The following DERA variants were observed in gnomAD, a reference collection of about 807,000 sequenced individuals.
DERA encodes the protein 2-deoxy-D-ribose 5-phosphate aldolase.
Under a neutral mutation model 41.1 loss-of-function variants are expected in DERA, and 15 were observed. The observed-to-expected ratio is 0.37, with a 90% CI of 0.24 to 0.56. DERA has a LOEUF of 0.56. DERA is among the 20% of genes least tolerant of loss of function. The pLI is 0.81. For missense variants in DERA, 396 were observed against 403.4 expected (o/e 0.98, Z 0.16); for synonymous variants, 139 against 137.4 (o/e 1.01, Z -0.08).
At chr12:15,962,032 CT>C (rs1305815281) in intron 4 of DERA, among the ~76,000 whole-genome samples, 4 of 152,280 alleles carry the variant, frequency 2.6e-5, no homozygotes, top group African/African-American at 9.6e-5. Context: ...GCAAGAGCCA[CT>C]GTGCCCAGCC....
Position 15,994,118 on chromosome 12 carries a change from A to G in DERA, c.637+11682A>G, listed in dbSNP as rs1400081524. ...TCACAGAACTGCTTCTTGCAGACCT[A>G]ACTTGCCTAGAAAAATTCACAGGTG... On this transcript the variant is annotated intron_variant, in intron 6 of 8. Coordinates refer to ENST00000428559, the MANE Select transcript of DERA (RefSeq NM_015954.4). The surrounding 1 kb of genome is among the most constrained non-coding windows in gnomAD (Gnocchi z 4.8). Among the ~76,000 whole-genome samples, 1 of 152,232 alleles carries G rather than the reference A, an allele frequency of 6.6e-6. No homozygotes were observed.
At chr12:15,919,113 T>A (rs976579258) in intron 1 of DERA, among the ~76,000 whole-genome samples, 1 of 152,240 alleles carries the variant, frequency 6.6e-6, no homozygotes, top group Admixed American at 6.5e-5. Context: ...AGTCTTTTAC[T>A]TTTTGCTTGT....
At chr12:15,926,399 A>G (rs1592000912) in intron 1 of DERA, among the ~76,000 whole-genome samples, 1 of 152,060 alleles carries the variant, frequency 6.6e-6, no homozygotes, top group African/African-American at 2.4e-5. Flanking sequence ...TATCATAGCA[A>G]TTTCCACTTC....
At position 15,954,268 on chromosome 12, in the gene DERA, T is replaced by A. The variant is rs145911580; in HGVS notation, c.32-2668T>A. Among the ~76,000 whole-genome samples, 1 of 152,312 alleles carries A rather than the reference T, an allele frequency of 6.6e-6. No homozygotes were observed. Among genetic ancestry groups the A allele is most frequent in the Non-Finnish European group, 1.5e-5 (1 of 68,022 alleles). ...TTCTGGTCTTTGGGAACCACTCGACTTATTTATCGTATGCCACCCGTGCGT... is the reference window on the plus strand; with the variant it reads ...TTCTGGTCTTTGGGAACCACTCGACATATTTATCGTATGCCACCCGTGCGT... On this transcript the variant is annotated intron_variant, in intron 1 of 8. Transcript: ENST00000428559. The surrounding 1 kb of genome is among the most constrained non-coding windows in gnomAD (Gnocchi z 4.0).
chr12:15,959,716 T>A lies in DERA; in HGVS notation c.278-113T>A. On this transcript the variant is annotated intron_variant, in intron 3 of 8. Transcript: ENST00000428559. This position sits in a 1 kb window ranked among gnomAD's most constrained non-coding sequence, Gnocchi z 4.5. Reference sequence around the variant, plus strand: ...AATTTATTGCAGTATTGTGGGGGAATTATTTTTTTCTCATTTGATTTTTGC... The same window carrying A: ...AATTTATTGCAGTATTGTGGGGGAAATATTTTTTTCTCATTTGATTTTTGC... 1.6e-6 allele frequency: 1 copy of A among 635,406 alleles called. No individual in the cohort carries two copies. Among genetic ancestry groups the A allele is most frequent in the Non-Finnish European group, 2.7e-6 (1 of 367,176 alleles). The allele number at this position is 635,406 out of a possible 1,614,324, so 39.4% of individuals were successfully genotyped here. A position where few individuals can be genotyped will look rare whatever the true frequency, so the allele number is the denominator to read the frequency against.
At position 15,982,939 on chromosome 12, in the gene DERA, A is replaced by T. The variant is rs1021653472; in HGVS notation, c.637+503A>T. Reference sequence around the variant, plus strand: ...CTTTATCTCTGTGAACAGCAGGTCTATCCATTTAGACATCCAAGCTTGCAG... The same window carrying T: ...CTTTATCTCTGTGAACAGCAGGTCTTTCCATTTAGACATCCAAGCTTGCAG... On this transcript the variant is annotated intron_variant, in intron 6 of 8. Coordinates refer to ENST00000428559, the MANE Select transcript of DERA (RefSeq NM_015954.4). This position sits in a 1 kb window ranked among gnomAD's most constrained non-coding sequence, Gnocchi z 4.0. Among the ~76,000 whole-genome samples the T allele has an allele frequency of 1.3e-5, 2 of 152,232 alleles. No homozygotes were observed. The highest frequency in any genetic ancestry group is 2.9e-5 in the Non-Finnish European group (2 of 68,042).
chr12:15,951,679 A>G (rs1487878589), intron 1 of DERA, among the ~76,000 whole-genome samples: 1 of 152,236 alleles, frequency 6.6e-6, no homozygotes, highest in Non-Finnish European at 1.5e-5. Context: ...AACGTGAGAA[A>G]GTAGGAATAT....
In DERA at chr12:16,021,015, G is replaced by T. The variant is rs1949014206; in HGVS notation, c.638-11527G>T. On this transcript the variant is annotated intron_variant, in intron 6 of 8. Coordinates refer to ENST00000428559, the MANE Select transcript of DERA (RefSeq NM_015954.4). The surrounding 1 kb of genome is among the most constrained non-coding windows in gnomAD (Gnocchi z 5.3). ...AATGGGAAGCAGAGTATAAAAGTTG[G>T]GAAAATTTGCAGCCTTTCCCTGTGG... Among the ~76,000 whole-genome samples, 1 of 152,220 alleles carries T rather than the reference G, an allele frequency of 6.6e-6. No homozygotes were observed. The highest frequency in any genetic ancestry group is 1.5e-5 in the Non-Finnish European group (1 of 68,030).
rs1486238168 is a variant in DERA, at chr12:15,936,921, C to CTGTCCTGTCCTGTCT, written c.32-20004_32-19990dup. The stretch of plus-strand genomic sequence containing the variant: ...CTGTCCTGTCCTGTCCTGTCCTGTC[C>CTGTCCTGTCCTGTCT]TGTCCTGTCCTGTCTTGTCCTGTCC... On this transcript the variant is annotated intron_variant, in intron 1 of 8. Transcript: ENST00000428559. The surrounding 1 kb of genome is among the most constrained non-coding windows in gnomAD (Gnocchi z 4.6). 7.2e-6 allele frequency among the ~76,000 whole-genome samples: 1 copy of CTGTCCTGTCCTGTCT among 138,214 alleles called. No homozygotes were observed. The highest frequency in any genetic ancestry group is 1.5e-5 in the Non-Finnish European group (1 of 64,538). The allele number at this position is 138,214 out of a possible 152,430, so 90.7% of individuals were successfully genotyped here.
At chr12:15,919,112 C>G (rs1446153093) in intron 1 of DERA, among the ~76,000 whole-genome samples, 1 of 152,074 alleles carries the variant, frequency 6.6e-6, no homozygotes, top group Non-Finnish European at 1.5e-5. Context: ...AAGTCTTTTA[C>G]TTTTTGCTTG....
intron 1 of DERA, among the ~76,000 whole-genome samples, chr12:15,946,687 C>A (rs1024853776): frequency 6.6e-6 from 1 of 152,022 alleles, no homozygotes; most frequent in Non-Finnish European, 1.5e-5. Context: ...CTCCTGGATT[C>A]ATTGATTTTT....
chr12:15,974,636 T>C (rs1261399177), intron 5 of DERA, among the ~76,000 whole-genome samples: 1 of 152,234 alleles, frequency 6.6e-6, no homozygotes, highest in Admixed American at 6.5e-5. Context: ...GTAAAATTAA[T>C]AAGTATTTTG....
At chr12:15,929,987 A>G (rs534053752) in intron 1 of DERA, among the ~76,000 whole-genome samples, 3 of 152,284 alleles carry the variant, frequency 2.0e-5, no homozygotes, top group Admixed American at 6.5e-5. Context: ...TGGTTCTTCT[A>G]CCTATAATTT....
intron 1 of DERA, among the ~76,000 whole-genome samples, chr12:15,932,023 C>T (rs1467640777): frequency 1.3e-5 from 2 of 152,198 alleles, no homozygotes; most frequent in Non-Finnish European, 2.9e-5. Flanking sequence ...GCCTACAGAA[C>T]TGTAAGCCAA....
At position 15,998,160 on chromosome 12, in the gene DERA, T is replaced by A. The variant is rs947829338; in HGVS notation, c.637+15724T>A. Among the ~76,000 whole-genome samples, 1 of 152,158 alleles carries A rather than the reference T, an allele frequency of 6.6e-6. No individual in the cohort carries two copies. The highest frequency in any genetic ancestry group is 1.5e-5 in the Non-Finnish European group (1 of 68,038). ...GCAATGATCTTCCTACCAGAGATTG[T>A]GATTTCAGGGGTCATGAACGGAGCC... On this transcript the variant is annotated intron_variant, in intron 6 of 8. Coordinates refer to ENST00000428559, the MANE Select transcript of DERA (RefSeq NM_015954.4). The surrounding 1 kb of genome is among the most constrained non-coding windows in gnomAD (Gnocchi z 4.8).
intron 4 of DERA, among the ~76,000 whole-genome samples, chr12:15,960,252 T>C (rs1244678181): frequency 6.7e-6 from 1 of 150,104 alleles, no homozygotes; most frequent in African/African-American, 2.4e-5. Flanking sequence ...TGTATATGTA[T>C]ATATACATAT....
At chr12:15,952,697 C>G (rs1948507637) in intron 1 of DERA, among the ~76,000 whole-genome samples, 1 of 152,208 alleles carries the variant, frequency 6.6e-6, no homozygotes, top group African/African-American at 2.4e-5. Flanking sequence ...GTATTTTACA[C>G]TTAAAGCACA....
chr12:16,035,215 G>T lies in DERA; in HGVS notation c.751-1017G>T, dbSNP rs931775228. Among the ~76,000 whole-genome samples the T allele has an allele frequency of 6.6e-6, 1 of 152,148 alleles. No individual in the cohort carries two copies. The highest frequency in any genetic ancestry group is 2.4e-5 in the African/African-American group (1 of 41,438). On this transcript the variant is annotated intron_variant, in intron 7 of 8. Transcript: ENST00000428559. This position sits in a 1 kb window ranked among gnomAD's most constrained non-coding sequence, Gnocchi z 4.1. ...TATTGATTGGGTGTGGTGTGGCCAG[G>T]GAATGGTGGAGTTTGGATTAAACTA...
rs531212300 is a variant in DERA at position 16,001,549 on chromosome 12, C to T, written c.637+19113C>T. On this transcript the variant is annotated intron_variant, in intron 6 of 8. Coordinates refer to ENST00000428559, the MANE Select transcript of DERA (RefSeq NM_015954.4). The surrounding 1 kb of genome is among the most constrained non-coding windows in gnomAD (Gnocchi z 4.1). ...GAGTCATGGTCTTAGGTCTGTGTGA[C>T]GTGTTTGATGCTCTGCAAGGTGGTC... Among the ~76,000 whole-genome samples the T allele has an allele frequency of 3.0e-4, 45 of 152,076 alleles. No homozygotes were observed. Among genetic ancestry groups the T allele is most frequent in the Admixed American group, 1.2e-3 (18 of 15,266 alleles).
Sources: allele counts gnomAD v4.1 joint callset (sites outside exome capture counted in the v4.1 genomes callset), GRCh38; gene constraint gnomAD v4.1.1; non-coding constraint Gnocchi (gnomAD v3.1); transcripts MANE v1.5; gene names NCBI Gene and HGNC (gene_info 2026-07-23, HGNC 2026-07-21).